RBMS3: variants seen among roughly 807,000 people sequenced by gnomAD.
RBMS3 encodes the protein RNA binding motif single stranded interacting protein 3.
A neutral mutation model predicts 66.8 loss-of-function variants in RBMS3; 27 were observed. The observed-to-expected ratio is 0.40, with a 90% CI of 0.30 to 0.56. The LOEUF is 0.56. Among genes scored for constraint, RBMS3 ranks in the 20% least tolerant of loss-of-function variants. The pLI is 0.40. For synonymous variants in RBMS3, 188 were observed against 183.0 expected (o/e 1.03, Z -0.22); for missense variants, 513 against 549.5 (o/e 0.93, Z 0.66).
At chr3:29,644,519 C>T (rs1370086456) in intron 4 of RBMS3, among the ~76,000 whole-genome samples, 1 of 152,190 alleles carries the variant, frequency 6.6e-6, no homozygotes, top group African/African-American at 2.4e-5. Context: ...AACACGTAGA[C>T]TGGTTCCAGT....
chr3:29,861,816 T>G (rs1577019145), intron 6 of RBMS3, among the ~76,000 whole-genome samples: 1 of 152,210 alleles, frequency 6.6e-6, no homozygotes, highest in South Asian at 2.1e-4. Flanking sequence ...CAAACAGTAA[T>G]TACTCCTTTA....
chr3:29,281,091 C>G lies in RBMS3; in HGVS notation c.-591C>G, dbSNP rs532863075. ...ACACCATGTCACTCTGGGAGGGAGA[C>G]AGCAGCAACTAAGCTGTACAAGGTT... On this transcript the variant is annotated 5_prime_UTR_variant, in exon 1 of 15. Transcript: ENST00000383767. 6 of 142,774 alleles carry G rather than the reference C, an allele frequency of 4.2e-5. No individual in the cohort carries two copies. In the South Asian group the frequency reaches 6.7e-4, roughly 16 times the overall value. The allele number at this position is 142,774 out of a possible 1,614,324, so 8.8% of individuals were successfully genotyped here.
chr3:29,335,323 A>G (rs1433004196), intron 1 of RBMS3, among the ~76,000 whole-genome samples: 1 of 152,190 alleles, frequency 6.6e-6, no homozygotes, highest in Non-Finnish European at 1.5e-5. Flanking sequence ...ACAGAAGAGA[A>G]TTGCCTGGTA....
intron 3 of RBMS3, among the ~76,000 whole-genome samples, chr3:29,528,685 G>A (rs2045232188): frequency 6.6e-6 from 1 of 152,064 alleles, no homozygotes; most frequent in East Asian, 1.9e-4. Context: ...CCTGACTTTT[G>A]ATGGAGTACC....
rs2125414346 is a variant in RBMS3 at position 30,009,730 on chromosome 3, G to A, written c.*5868G>A. On this transcript the variant is annotated 3_prime_UTR_variant, in exon 15 of 15. Transcript: ENST00000383767. ...ACTGCGTTACTTATTAAGGCCGAAT[G>A]ACTTTGACACCCCCGTGGATTATTT... The A allele has an allele frequency of 6.6e-6, 1 of 152,216 alleles. No individual in the cohort carries two copies. The highest frequency in any genetic ancestry group is 1.9e-4 in the East Asian group (1 of 5,180). The allele number at this position is 152,216 out of a possible 1,614,324, so 9.4% of individuals were successfully genotyped here.
intron 3 of RBMS3, among the ~76,000 whole-genome samples, chr3:29,571,956 T>C (rs2046967489): frequency 6.6e-6 from 1 of 152,122 alleles, no homozygotes; most frequent in African/African-American, 2.4e-5. Context: ...CAATTTCTTT[T>C]ATCAGTGTTT....
chr3:29,640,605 T>C (rs2049666319), intron 4 of RBMS3, among the ~76,000 whole-genome samples: 1 of 151,974 alleles, frequency 6.6e-6, no homozygotes, highest in Non-Finnish European at 1.5e-5. Flanking sequence ...CTGAACTATT[T>C]GATCGTGCAT....
chr3:29,629,132 G>GA (rs2049183201), intron 4 of RBMS3, among the ~76,000 whole-genome samples: 2 of 152,028 alleles, frequency 1.3e-5, no homozygotes, highest in African/African-American at 2.4e-5. Context: ...ATTAAAATGT[G>GA]AAAAAATGTG....
At chr3:29,890,597 A>G (rs1467929016) in intron 8 of RBMS3, among the ~76,000 whole-genome samples, 1 of 151,530 alleles carries the variant, frequency 6.6e-6, no homozygotes, top group East Asian at 1.9e-4. Context: ...CTTTCTATCT[A>G]TAGTACAGTC....
At chr3:29,774,038 C>T (rs927221013) in intron 6 of RBMS3, among the ~76,000 whole-genome samples, 3 of 151,774 alleles carry the variant, frequency 2.0e-5, no homozygotes, top group African/African-American at 7.3e-5. Context: ...TCTGGTGAAC[C>T]CAAACTAAGG....
intron 7 of RBMS3, among the ~76,000 whole-genome samples, chr3:29,877,412 G>A (rs2059634673): frequency 6.6e-6 from 1 of 152,110 alleles, no homozygotes; most frequent in Admixed American, 6.6e-5. Context: ...TGATGCAAAT[G>A]AATGTAATTA....
intron 4 of RBMS3, among the ~76,000 whole-genome samples, chr3:29,634,697 A>G (rs2049411860): frequency 6.6e-6 from 1 of 151,796 alleles, no homozygotes; most frequent in Admixed American, 6.6e-5. Context: ...CACTTCCCAA[A>G]TAAACCACTT....
intron 1 of RBMS3, among the ~76,000 whole-genome samples, chr3:29,402,368 A>G (rs967734476): frequency 6.6e-6 from 1 of 152,062 alleles, no homozygotes; most frequent in African/African-American, 2.4e-5. Flanking sequence ...ATCAGTCCAT[A>G]TATTTTAAGG....
At chr3:29,684,582 GT>G (rs2051633359) in intron 4 of RBMS3, among the ~76,000 whole-genome samples, 1 of 152,006 alleles carries the variant, frequency 6.6e-6, no homozygotes, top group Non-Finnish European at 1.5e-5. Context: ...TGAAAGCATT[GT>G]TTTGTTAGTT....
intron 1 of RBMS3, among the ~76,000 whole-genome samples, chr3:29,431,276 T>C (rs2041178520): frequency 7.5e-6 from 1 of 132,566 alleles, no homozygotes; most frequent in Non-Finnish European, 1.7e-5. Context: ...TTGAGAAAAA[T>C]GTTTCTTTCT....
At chr3:29,448,411 G>T (rs945982164) in intron 2 of RBMS3, among the ~76,000 whole-genome samples, 5 of 152,140 alleles carry the variant, frequency 3.3e-5, no homozygotes, top group Non-Finnish European at 1.5e-5. Flanking sequence ...GAGCAGAAAG[G>T]GATTTGCTGT....
chr3:29,575,067 A>G (rs78191547), intron 3 of RBMS3, among the ~76,000 whole-genome samples: 5,994 of 152,170 alleles, frequency 0.039, 168 homozygotes, highest in African/African-American at 0.085. Context: ...GTTTTTCTGC[A>G]TATTTACTAT....
intron 1 of RBMS3, among the ~76,000 whole-genome samples, chr3:29,385,343 C>T (rs201913617): frequency 6.6e-6 from 1 of 152,132 alleles, no homozygotes; most frequent in African/African-American, 2.4e-5. Flanking sequence ...ATTTCTGACC[C>T]CACAACCAAT....
At position 29,473,767 on chromosome 3, in the gene RBMS3, G is replaced by T; in HGVS notation, c.249-14674G>T. On this transcript the variant is annotated intron_variant, in intron 2 of 14. Coordinates refer to ENST00000383767, the MANE Select transcript of RBMS3 (RefSeq NM_001003793.3). ...CAGGTACTAAGCCGCTCATTGCCCG[G>T]GGCCGGCAGGGCCGGCCAGCCCCTC... is the stretch of plus-strand genomic sequence containing the variant. Among the ~76,000 whole-genome samples the T allele has an allele frequency of 1.3e-5, 2 of 152,194 alleles. 1 individual carries two copies. Among genetic ancestry groups the T allele is most frequent in the South Asian group, 4.1e-4 (2 of 4,832 alleles).
Sources: gnomAD v4.1 joint callset for allele counts (sites outside exome capture counted in the v4.1 genomes callset) on GRCh38, gnomAD v4.1.1 for gene constraint, MANE v1.5 for transcripts, NCBI Gene and HGNC (gene_info 2026-07-23, HGNC 2026-07-21) for gene names.